RELN: variants seen among roughly 807,000 people sequenced by gnomAD.
The protein encoded by RELN is reelin.
A neutral mutation model predicts 427.6 loss-of-function variants in RELN; 108 were observed. The ratio of observed to expected loss-of-function variants is 0.25; its 90% CI spans 0.22 to 0.30. The LOEUF (loss-of-function observed/expected upper bound fraction) is 0.30. Ranked by LOEUF, RELN falls within the 10% of genes least tolerant of loss-of-function variation. The pLI is 1.00. For missense variants in RELN, 3,715 were observed against 4,302.8 expected (o/e 0.86, Z 3.82); for synonymous variants, 1,524 against 1,513.4 (o/e 1.01, Z -0.16).
In RELN at chr7:103,972,441, AATAT is replaced by A. The variant is rs1184061894; in HGVS notation, c.226+16686_226+16689del. 3.9e-5 allele frequency among the ~76,000 whole-genome samples: 6 copies of A among 152,210 alleles called. No homozygotes were observed. The East Asian group carries it at 1.2e-3, about 29-fold the overall frequency. On this transcript the variant is annotated intron_variant, in intron 1 of 64. Transcript: ENST00000428762. ...AGGATTTCACTGGATCTCATAACTAAATATTCTAAGTCTTCCCAAGAAATTCTAC... is the reference window on the plus strand; with the variant it reads ...AGGATTTCACTGGATCTCATAACTAATCTAAGTCTTCCCAAGAAATTCTAC...
At chr7:103,697,602 C>T (rs1416130636) in intron 10 of RELN, among the ~76,000 whole-genome samples, 3 of 152,150 alleles carry the variant, frequency 2.0e-5, no homozygotes, top group African/African-American at 7.2e-5. Flanking sequence ...TGGTTATATT[C>T]TCTGGGTTCA....
chr7:103,740,886 T>G (rs1790634214), intron 6 of RELN, among the ~76,000 whole-genome samples: 1 of 152,210 alleles, frequency 6.6e-6, no homozygotes, highest in South Asian at 2.1e-4. Context: ...CTCTTATAAG[T>G]AGCACATTTT....
In RELN at chr7:103,579,605, A is replaced by C. The variant is rs552574038; in HGVS notation, c.4146-3900T>G. Among the ~76,000 whole-genome samples, 590 of 152,052 alleles carry C rather than the reference A, an allele frequency of 3.9e-3. 2 individuals are homozygous for C. Among genetic ancestry groups the C allele is most frequent in the African/African-American group, 0.014 (568 of 41,474 alleles). On this transcript the variant is annotated intron_variant, in intron 28 of 64. Transcript: ENST00000428762. ...CAAAGTAAGACTCCATCTCCAAAAAAAAAAAAAAAAAAGTACGTCACAGTG... is the reference window on the plus strand; with the variant it reads ...CAAAGTAAGACTCCATCTCCAAAAACAAAAAAAAAAAAGTACGTCACAGTG...
intron 2 of RELN, among the ~76,000 whole-genome samples, chr7:103,906,522 G>A (rs1795208012): frequency 8.1e-6 from 1 of 124,090 alleles, no homozygotes; most frequent in Non-Finnish European, 1.8e-5. Context: ...CGGTACCTCA[G>A]GCAGCATTCT....
At chr7:103,735,394 A>C (rs1790465974) in intron 6 of RELN, among the ~76,000 whole-genome samples, 1 of 152,126 alleles carries the variant, frequency 6.6e-6, no homozygotes, top group South Asian at 2.1e-4. Flanking sequence ...AGGCATGAAA[A>C]TATGCTCAAC....
chr7:103,842,416 G>A (rs529832196), intron 2 of RELN, among the ~76,000 whole-genome samples: 2 of 152,126 alleles, frequency 1.3e-5, no homozygotes, highest in African/African-American at 2.4e-5. Context: ...AATTTGGCTT[G>A]TCTATTATTT....
intron 4 of RELN, among the ~76,000 whole-genome samples, chr7:103,767,625 G>A (rs1483478094): frequency 6.6e-6 from 1 of 151,850 alleles, no homozygotes; most frequent in African/African-American, 2.4e-5. Context: ...AATAATTGCT[G>A]CAAAAAAAAC....
chr7:103,989,292 C>A lies in RELN; in HGVS notation c.65G>T (p.Arg22Met), dbSNP rs139532757. 68 of 1,612,696 alleles carry A rather than the reference C, an allele frequency of 4.2e-5. 1 individual carries two copies. The highest frequency in any genetic ancestry group is 5.4e-5 in the Non-Finnish European group (64 of 1,179,796). The change falls in exon 1 of 65, where the codon AGG (arginine) becomes ATG (methionine). Residue 22 changes from arginine to methionine, a missense_variant. Arg to Met is a moderately conservative substitution (Grantham distance 91). This residue lies in a region of RELN where 2,208 missense variants were observed against 2,361.7 expected (regional missense o/e 0.93). Transcript: ENST00000428762. This position sits in a 1 kb window ranked among gnomAD's most constrained non-coding sequence, Gnocchi z 4.9. ...GTAATAGCCAGCCGCCGCGCGCGCC[C>A]TCAGCGTCGCCCCCAGCAACAGCGC... The part of the protein sequence containing the change: ...LLALLLGATL[R>M]ARAAAGYYPR...
intron 4 of RELN, among the ~76,000 whole-genome samples, chr7:103,764,056 T>C (rs1253792835): frequency 6.6e-6 from 1 of 152,180 alleles, no homozygotes; most frequent in Non-Finnish European, 1.5e-5. Context: ...ATGATGAAGA[T>C]GCTAACCAGA....
intron 3 of RELN, among the ~76,000 whole-genome samples, chr7:103,777,209 GT>G (rs963973408): frequency 1.3e-4 from 19 of 151,956 alleles, no homozygotes; most frequent in Non-Finnish European, 2.9e-5. Context: ...TCAAAGCTGC[GT>G]ACAAGGACTG....
At chr7:103,747,167 A>G (rs1445998037) in intron 6 of RELN, among the ~76,000 whole-genome samples, 1 of 151,858 alleles carries the variant, frequency 6.6e-6, no homozygotes, top group Non-Finnish European at 1.5e-5. Flanking sequence ...GCAAGGACAA[A>G]AAACCAAACA....
chr7:103,989,047 C>G lies in RELN; in HGVS notation c.226+84G>C. 8.1e-7 allele frequency: 1 copy of G among 1,234,772 alleles called. No homozygotes were observed. Among genetic ancestry groups the G allele is most frequent in the Non-Finnish European group, 1.2e-6 (1 of 838,222 alleles). The allele number at this position is 1,234,772 out of a possible 1,614,324, so 76.5% of individuals were successfully genotyped here. On this transcript the variant is annotated intron_variant, in intron 1 of 64. Coordinates refer to ENST00000428762, the MANE Select transcript of RELN (RefSeq NM_005045.4). The surrounding 1 kb of genome is among the most constrained non-coding windows in gnomAD (Gnocchi z 4.9). The stretch of plus-strand genomic sequence containing the variant: ...TTGTCATGGTTCTTGTTTCCAAGGC[C>G]CCTTGGAAGAAGGAAAGGGATGAGA...
chr7:103,580,725 C>T (rs1831111762), intron 28 of RELN, among the ~76,000 whole-genome samples: 1 of 152,178 alleles, frequency 6.6e-6, no homozygotes, highest in South Asian at 2.1e-4. Flanking sequence ...TATCCCTCAC[C>T]TTCCTCCCAA....
At chr7:103,922,653 C>T (rs950190164) in intron 1 of RELN, among the ~76,000 whole-genome samples, 1 of 152,110 alleles carries the variant, frequency 6.6e-6, no homozygotes, top group Non-Finnish European at 1.5e-5. Flanking sequence ...TGACTAATTA[C>T]AGAGTCAGTT....
intron 29 of RELN, among the ~76,000 whole-genome samples, chr7:103,574,773 C>G (rs192174487): frequency 6.6e-6 from 1 of 152,194 alleles, no homozygotes; most frequent in East Asian, 1.9e-4. Flanking sequence ...GGCTGGGATA[C>G]TGAAAAGCTG....
intron 34 of RELN, among the ~76,000 whole-genome samples, chr7:103,562,938 C>T (rs1343963290): frequency 1.3e-5 from 2 of 152,220 alleles, no homozygotes; most frequent in African/African-American, 4.8e-5. Flanking sequence ...TCTGGCAACA[C>T]TGAGCCCTTG....
chr7:103,476,455 G>T (rs1396845865), intron 64 of RELN, among the ~76,000 whole-genome samples: 2 of 152,022 alleles, frequency 1.3e-5, no homozygotes, highest in African/African-American at 4.8e-5. Context: ...ACTCCAGCCT[G>T]GGGCGACACG....
At position 103,588,035 on chromosome 7, in the gene RELN, G is replaced by A. The variant is rs76155738; in HGVS notation, c.4145+1561C>T. 4.0e-3 allele frequency among the ~76,000 whole-genome samples: 614 copies of A among 152,160 alleles called. 4 individuals carry two copies. The highest frequency in any genetic ancestry group is 0.014 in the African/African-American group (594 of 41,510). The stretch of plus-strand genomic sequence containing the variant: ...ATATGATCCAGTAATCCTACTACTG[G>A]GTGTCTACCCAAAGAAAAAGAAACC... On this transcript the variant is annotated intron_variant, in intron 28 of 64. Transcript: ENST00000428762.
intron 6 of RELN, 42 bp from the exon 7 acceptor site, chr7:103,728,249 A>T: frequency 6.3e-7 from 1 of 1,579,238 alleles, no homozygotes; most frequent in Non-Finnish European, 8.7e-7. Context: ...AGAACTAAGT[A>T]GCACACGTGG....
Sources: allele counts gnomAD v4.1 joint callset (sites outside exome capture counted in the v4.1 genomes callset), GRCh38; gene constraint gnomAD v4.1.1; regional missense constraint gnomAD v4.1.1; non-coding constraint Gnocchi (gnomAD v3.1); transcripts MANE v1.5; gene names NCBI Gene and HGNC (gene_info 2026-07-23, HGNC 2026-07-21).